Variants in GLIS1 observed in about 807,000 individuals in gnomAD.
The protein encoded by GLIS1 is zinc finger protein GLIS1.
In GLIS1, 24 loss-of-function variants were observed where a neutral mutation model predicts 63.8. The ratio of observed to expected loss-of-function variants is 0.38; its 90% confidence interval spans 0.27 to 0.53. The LOEUF is 0.53. Ranked by LOEUF, GLIS1 falls within the 20% of genes least tolerant of loss-of-function variation. The pLI, the probability that GLIS1 is intolerant of heterozygous loss-of-function variation, is 0.85. For synonymous variants in GLIS1, 450 were observed against 482.5 expected (o/e 0.93, Z 0.88); for missense variants, 1,036 against 1,074.1 (o/e 0.96, Z 0.50).
rs1327737508 is a variant in GLIS1 at position 53,595,760 on chromosome 1, T to C, written c.438-770A>G. On this transcript the variant is annotated intron_variant, in intron 3 of 10. Transcript: ENST00000628545. ...TAGCTTAACTTCTACAAATGCTAATTGTATGACACTTCGCCCCAAGCAGCC... is the reference window on the plus strand; with the variant it reads ...TAGCTTAACTTCTACAAATGCTAATCGTATGACACTTCGCCCCAAGCAGCC... Among the ~76,000 whole-genome samples the C allele has an allele frequency of 2.6e-5, 4 of 152,354 alleles. No individual in the cohort carries two copies. The East Asian group carries it at 7.7e-4, about 29-fold the overall frequency.
chr1:53,680,057 C>T (rs891107360), intron 2 of GLIS1, among the ~76,000 whole-genome samples: 2 of 152,076 alleles, frequency 1.3e-5, no homozygotes, highest in Non-Finnish European at 2.9e-5. Flanking sequence ...GGTGCCAGGT[C>T]GAATTCTCCA....
chr1:53,659,535 C>G (rs1440507667), intron 2 of GLIS1, among the ~76,000 whole-genome samples: 3 of 152,146 alleles, frequency 2.0e-5, no homozygotes, highest in Non-Finnish European at 2.9e-5. Flanking sequence ...GGTGACAGAC[C>G]AAGACTGGCA....
intron 2 of GLIS1, among the ~76,000 whole-genome samples, chr1:53,626,947 T>C (rs1035689908): frequency 2.0e-5 from 3 of 152,212 alleles, no homozygotes; most frequent in Non-Finnish European, 4.4e-5. Flanking sequence ...CTGTGATAAA[T>C]GTGGAAGGGC....
chr1:53,562,158 G>T (rs1314613706), intron 4 of GLIS1, among the ~76,000 whole-genome samples: 1 of 152,216 alleles, frequency 6.6e-6, no homozygotes, highest in Non-Finnish European at 1.5e-5. Flanking sequence ...CTGAATTTGG[G>T]ATGATGCCAG....
At chr1:53,702,315 T>C (rs935985441) in intron 2 of GLIS1, among the ~76,000 whole-genome samples, 2 of 152,188 alleles carry the variant, frequency 1.3e-5, no homozygotes, top group African/African-American at 4.8e-5. Flanking sequence ...TAGAACCTAC[T>C]CACAGGGCAG....
At chr1:53,517,954 G>A (rs1027469543) in intron 7 of GLIS1, among the ~76,000 whole-genome samples, 3 of 152,244 alleles carry the variant, frequency 2.0e-5, no homozygotes, top group African/African-American at 2.4e-5. Flanking sequence ...GAGGGGCAGC[G>A]GAAGTGGGGA....
At position 53,509,133 on chromosome 1, in the gene GLIS1, G is replaced by A; in HGVS notation, c.2217C>T (p.Pro739=). The change falls in exon 10 of 11, where the codon CCC becomes CCT. Residue 739 remains proline (P), a synonymous_variant. Transcript: ENST00000628545. ...RPNGYHSLST[P]LPATGYEALA... ...GGCAGGGCTCACCTGTGGCAGGCAA[G>A]GGCGTGCTGAGGCTGTGGTAGCCAT... is the stretch of plus-strand genomic sequence containing the variant. The A allele has an allele frequency of 6.3e-7, 1 of 1,582,570 alleles. No individual in the cohort carries two copies. Among genetic ancestry groups the A allele is most frequent in the Non-Finnish European group, 8.6e-7 (1 of 1,162,178 alleles).
At chr1:53,698,527 C>G (rs550233448) in intron 2 of GLIS1, among the ~76,000 whole-genome samples, 2 of 152,212 alleles carry the variant, frequency 1.3e-5, no homozygotes, top group Non-Finnish European at 2.9e-5. Context: ...TCCAAGCACG[C>G]GCCACTGCTT....
intron 4 of GLIS1, among the ~76,000 whole-genome samples, chr1:53,589,503 AG>A (rs1645167842): frequency 1.3e-5 from 2 of 152,222 alleles, no homozygotes; most frequent in Admixed American, 1.3e-4. Flanking sequence ...TAGGAGGGCA[AG>A]GCCCTCCCGG....
intron 4 of GLIS1, among the ~76,000 whole-genome samples, chr1:53,576,003 A>AC (rs1444462651): frequency 6.6e-6 from 1 of 152,030 alleles, no homozygotes; most frequent in African/African-American, 2.4e-5. Context: ...TGCTTGCTGC[A>AC]CCCCAGGGCT....
intron 4 of GLIS1, among the ~76,000 whole-genome samples, chr1:53,538,058 G>A (rs1365037710): frequency 6.6e-6 from 1 of 152,260 alleles, no homozygotes; most frequent in African/African-American, 2.4e-5. Context: ...CCTCGCTCCT[G>A]CACTCTGGGA....
intron 2 of GLIS1, among the ~76,000 whole-genome samples, chr1:53,674,287 T>C (rs1646188372): frequency 6.6e-6 from 1 of 151,866 alleles, no homozygotes; most frequent in South Asian, 2.1e-4. Context: ...TGGTCCACAG[T>C]CCAGTGGCAT....
intron 2 of GLIS1, among the ~76,000 whole-genome samples, chr1:53,606,237 G>A (rs951015740): frequency 6.6e-6 from 1 of 152,220 alleles, no homozygotes; most frequent in Non-Finnish European, 1.5e-5. Context: ...AGCCCCTGGG[G>A]TAGACCTATT....
chr1:53,507,931 G>GCACC (rs1436245261), intron 10 of GLIS1, among the ~76,000 whole-genome samples: 2 of 152,220 alleles, frequency 1.3e-5, no homozygotes, highest in Non-Finnish European at 2.9e-5. Context: ...CAGACACAGA[G>GCACC]CACCCGTCTT....
At chr1:53,633,291 A>G (rs1414077586) in intron 2 of GLIS1, among the ~76,000 whole-genome samples, 7 of 123,090 alleles carry the variant, frequency 5.7e-5, no homozygotes, top group Non-Finnish European at 1.0e-4. Context: ...AGTGTGGCTG[A>G]GGGGCGTGTG....
chr1:53,507,150 C>G (rs1043107711), intron 10 of GLIS1, among the ~76,000 whole-genome samples: 1 of 152,148 alleles, frequency 6.6e-6, no homozygotes, highest in African/African-American at 2.4e-5. Flanking sequence ...GTAGAAGGAC[C>G]AGCTCACCCC....
intron 2 of GLIS1, among the ~76,000 whole-genome samples, chr1:53,611,024 G>A (rs148225396): frequency 6.6e-6 from 1 of 151,472 alleles, no homozygotes; most frequent in African/African-American, 2.4e-5. Flanking sequence ...AATTTTTATG[G>A]TTTTCAGATC....
At chr1:53,530,318 C>G (rs1299755929) in intron 4 of GLIS1, among the ~76,000 whole-genome samples, 1 of 152,202 alleles carries the variant, frequency 6.6e-6, no homozygotes, top group Non-Finnish European at 1.5e-5. Flanking sequence ...GCACAGAGAG[C>G]TGAAATAGGG....
intron 2 of GLIS1, among the ~76,000 whole-genome samples, chr1:53,612,124 A>T (rs563109991): frequency 5.9e-5 from 9 of 152,298 alleles, no homozygotes; most frequent in African/African-American, 2.2e-4. Flanking sequence ...AAACCATCAC[A>T]CCTAGCCCAC....
Sources: gnomAD v4.1 joint callset for allele counts (sites outside exome capture counted in the v4.1 genomes callset) on GRCh38, gnomAD v4.1.1 for gene constraint, MANE v1.5 for transcripts, NCBI Gene and HGNC (gene_info 2026-07-23, HGNC 2026-07-21) for gene names.